Variants in KIAA1671 observed in about 807,000 individuals in gnomAD.
The protein encoded by KIAA1671 is uncharacterized protein KIAA1671.
A neutral mutation model predicts 131.2 loss-of-function variants in KIAA1671; 52 were observed. The ratio of observed to expected loss-of-function variants is 0.40; its 90% CI spans 0.32 to 0.50. The LOEUF is 0.50. KIAA1671 is among the 20% of genes least tolerant of loss of function. The pLI is 0.73. For missense variants in KIAA1671, 2,360 were observed against 2,364.2 expected (o/e 1.00, Z 0.04); for synonymous variants, 1,003 against 961.6 (o/e 1.04, Z -0.80).
At chr22:25,054,911 G>A (rs1927757648) in intron 6 of KIAA1671, 11 of 149,404 alleles carry the variant, frequency 7.4e-5, no homozygotes, top group Admixed American at 7.3e-4. Context: ...CATGGGCAGA[G>A]GTTTAGAGGC....
At chr22:25,133,175 C>T (rs769959710) in intron 6 of KIAA1671, among the ~76,000 whole-genome samples, 4 of 152,134 alleles carry the variant, frequency 2.6e-5, no homozygotes, top group Non-Finnish European at 5.9e-5. Flanking sequence ...TTAGGAACCT[C>T]CAGACGTGGT....
intron 3 of KIAA1671, among the ~76,000 whole-genome samples, chr22:25,032,099 C>T (rs1926326012): frequency 6.6e-6 from 1 of 152,186 alleles, no homozygotes; most frequent in Non-Finnish European, 1.5e-5. Flanking sequence ...CAGACCTGGG[C>T]CCCCACACAT....
chr22:24,955,956 C>T (rs1231522528), intron 1 of KIAA1671, among the ~76,000 whole-genome samples: 3 of 146,048 alleles, frequency 2.1e-5, no homozygotes, highest in Admixed American at 7.1e-5. Context: ...ACCGGGGAGG[C>T]GGAGCTTGCA....
intron 6 of KIAA1671, among the ~76,000 whole-genome samples, chr22:25,140,153 G>A (rs906864165): frequency 2.6e-5 from 4 of 152,190 alleles, no homozygotes; most frequent in South Asian, 2.1e-4. Context: ...GAGGCTCGAC[G>A]GGAGAATCTG....
At chr22:24,981,777 A>G (rs988126346) in intron 1 of KIAA1671, among the ~76,000 whole-genome samples, 11 of 152,174 alleles carry the variant, frequency 7.2e-5, no homozygotes, top group South Asian at 4.1e-4. Context: ...GTGTGATGGC[A>G]TGCTCCTCTA....
intron 6 of KIAA1671, 92 bp downstream of exon 6, chr22:25,049,456 C>CCAGGGCCCTCAACCCCGT: frequency 7.0e-7 from 1 of 1,423,740 alleles, no homozygotes; most frequent in Non-Finnish European, 9.4e-7. Context: ...TCTGGACAGC[C>CCAGGGCCCTCAACCCCGT]CAGGGCCCTG....
At chr22:25,024,349 G>A (rs1327066040) in intron 1 of KIAA1671, 2 of 152,276 alleles carry the variant, frequency 1.3e-5, no homozygotes, top group African/African-American at 4.8e-5. Flanking sequence ...TGGTGTGACA[G>A]TGTGAGGTTA....
chr22:24,956,886 AAAG>A (rs1250443581), intron 1 of KIAA1671, among the ~76,000 whole-genome samples: 4 of 151,414 alleles, frequency 2.6e-5, no homozygotes, highest in Non-Finnish European at 4.4e-5. Flanking sequence ...AAAAAAAAAA[AAAG>A]AAGGGAGGGA....
At chr22:25,130,697 C>G (rs924918652) in intron 6 of KIAA1671, among the ~76,000 whole-genome samples, 1 of 152,212 alleles carries the variant, frequency 6.6e-6, no homozygotes, top group South Asian at 2.1e-4. Flanking sequence ...GTCTGGGCCT[C>G]CACTCGGAGC....
chr22:25,161,610 G>A (rs765076480), intron 6 of KIAA1671, among the ~76,000 whole-genome samples: 8 of 152,250 alleles, frequency 5.3e-5, no homozygotes, highest in Admixed American at 1.3e-4. Flanking sequence ...TATCTTCAGA[G>A]TGCTGGAAGG....
At chr22:24,983,612 G>A (rs544896698) in intron 1 of KIAA1671, among the ~76,000 whole-genome samples, 1 of 151,562 alleles carries the variant, frequency 6.6e-6, no homozygotes, top group South Asian at 2.1e-4. Flanking sequence ...TATGGTGGGG[G>A]GGCGGGGGTG....
intron 6 of KIAA1671, among the ~76,000 whole-genome samples, chr22:25,074,876 T>C (rs1929024475): frequency 6.6e-6 from 1 of 152,198 alleles, no homozygotes; most frequent in Non-Finnish European, 1.5e-5. Context: ...ACTGGTTTCA[T>C]TTCCTTTGGG....
chr22:25,065,393 C>T (rs988160333), intron 6 of KIAA1671, among the ~76,000 whole-genome samples: 2 of 152,084 alleles, frequency 1.3e-5, no homozygotes, highest in Non-Finnish European at 2.9e-5. Context: ...GTCACTGAGC[C>T]ATTCCTCAGG....
At chr22:25,186,385 C>G (rs1368674967) in intron 11 of KIAA1671, 2 of 152,060 alleles carry the variant, frequency 1.3e-5, no homozygotes, top group Non-Finnish European at 2.9e-5. Flanking sequence ...ATGATTGCAC[C>G]ATTGCACTCC....
intron 1 of KIAA1671, among the ~76,000 whole-genome samples, chr22:24,958,401 G>A (rs144985392): frequency 2.5e-4 from 38 of 152,252 alleles, no homozygotes; most frequent in African/African-American, 8.9e-4. Flanking sequence ...TGTAATCTCA[G>A]CACTTTGGGA....
At chr22:24,955,193 C>T (rs1373877045) in intron 1 of KIAA1671, among the ~76,000 whole-genome samples, 5 of 152,228 alleles carry the variant, frequency 3.3e-5, no homozygotes, top group African/African-American at 1.2e-4. Flanking sequence ...AGAAACAGAG[C>T]CTCACAGGGA....
rs1926821445 is a variant in KIAA1671, at chr22:25,039,959, A to G, written c.2829A>G (p.Arg943=). The G allele has an allele frequency of 4.5e-6, 7 of 1,551,358 alleles. No individual in the cohort carries two copies. The South Asian group carries it at 7.1e-5, about 16-fold the overall frequency. ...GGAAAGCCGGCGCCATGGACCAGAG[A>G]ATGGACAGATGGCGGCGGCGGACTT... The part of the protein sequence containing the change: ...RMRKAGAMDQ[R]MDRWRRRTLP... The change falls in exon 5 of 13, where the codon AGA becomes AGG. Residue 943 remains arginine (R), a synonymous_variant. Coordinates refer to ENST00000358431, the MANE Select transcript of KIAA1671 (RefSeq NM_001145206.2).
At chr22:25,146,946 C>A (rs1053980680) in intron 6 of KIAA1671, among the ~76,000 whole-genome samples, 3 of 152,094 alleles carry the variant, frequency 2.0e-5, no homozygotes, top group Non-Finnish European at 4.4e-5. Flanking sequence ...TATCTTCCAT[C>A]CTGCAGGGTT....
chr22:25,038,627 T>C (rs1926742337), intron 4 of KIAA1671, 133 bp from the exon 5 acceptor site: 1 of 943,342 alleles, frequency 1.1e-6, no homozygotes, highest in African/African-American at 1.7e-5. Flanking sequence ...ACTGGGTGTG[T>C]TCATTCTTTT....
Sources: allele counts gnomAD v4.1 joint callset (sites outside exome capture counted in the v4.1 genomes callset), GRCh38; gene constraint gnomAD v4.1.1; transcripts MANE v1.5; gene names NCBI Gene and HGNC (gene_info 2026-07-23, HGNC 2026-07-21).